Variants in SLC17A9 observed in about 807,000 individuals in gnomAD.
SLC17A9 encodes the protein voltage-gated purine nucleotide uniporter SLC17A9.
Under a neutral mutation model 55.0 loss-of-function variants are expected in SLC17A9, and 49 were observed. The ratio of observed to expected loss-of-function variants is 0.89; its 90% confidence interval spans 0.71 to 1.13. The LOEUF (loss-of-function observed/expected upper bound fraction) is 1.13, where lower values mean the gene tolerates loss of function less well. SLC17A9 is among the 50% of genes most tolerant of loss of function. SLC17A9 has a pLI of 0.00. For missense variants in SLC17A9, 526 were observed against 569.3 expected (o/e 0.92, Z 0.77); for synonymous variants, 256 against 247.4 (o/e 1.03, Z -0.32).
chr20:62,957,282 G>A, intron 2 of SLC17A9, 159 bp from the exon 3 acceptor site: 1 of 985,396 alleles, frequency 1.0e-6, no homozygotes, highest in Non-Finnish European at 1.2e-6. Context: ...TGGAGTACCT[G>A]GTCTCCTCAC....
intron 1 of SLC17A9, 62 bp downstream of exon 1, chr20:62,952,951 C>A: frequency 7.0e-7 from 1 of 1,418,608 alleles, no homozygotes; most frequent in Non-Finnish European, 9.4e-7. Context: ...GGGGAGGGAG[C>A]TGAGATACTG....
At chr20:62,956,016 G>A (rs1204787638) in intron 1 of SLC17A9, among the ~76,000 whole-genome samples, 1 of 152,256 alleles carries the variant, frequency 6.6e-6, no homozygotes, top group Non-Finnish European at 1.5e-5. Flanking sequence ...TGGCCCTGCC[G>A]TGGGGAGGGG....
In SLC17A9 at chr20:62,957,510, GCT is replaced by G; in HGVS notation, c.329_330del (p.Leu110ArgfsTer41). The G allele has an allele frequency of 1.2e-6, 2 of 1,610,076 alleles. No homozygotes were observed. Among genetic ancestry groups the G allele is most frequent in the Non-Finnish European group, 1.7e-6 (2 of 1,178,822 alleles). The stretch of plus-strand genomic sequence containing the variant: ...GCTCCATCACGGCCGTCACCCCACT[GCT>G]CGCCCACCTGAGCAGTGCCCACCTG... Reference protein sequence around the residue: ...WGSITAVTPLLAHLSSAHLAF... With the variant: ...WGSITAVTPLXAHLSSAHLAF... On this transcript the variant is annotated frameshift_variant, in exon 3 of 13. Transcript: ENST00000370351. LOFTEE classifies it high-confidence loss of function.
At chr20:62,957,833 G>A (rs1329104537) in intron 3 of SLC17A9, among the ~76,000 whole-genome samples, 9 of 146,740 alleles carry the variant, frequency 6.1e-5, no homozygotes, top group East Asian at 2.2e-4. Flanking sequence ...GCATGCCCGC[G>A]TGCATGCGTG....
chr20:62,960,602 G>A lies in SLC17A9; in HGVS notation c.496G>A (p.Gly166Arg), dbSNP rs1174941153. 9.3e-6 allele frequency: 15 copies of A among 1,611,068 alleles called. No homozygotes were observed. The South Asian group carries it at 1.3e-4, about 14-fold the overall frequency. The change falls in exon 4 of 13, where the codon GGG becomes AGG. Residue 166 changes from glycine to arginine, a missense_variant and splice_region_variant. Coordinates refer to ENST00000370351, the MANE Select transcript of SLC17A9 (RefSeq NM_022082.4). ...CATCGTGGGCGCCGGCTCCCAGTTT[G>A]GGTAAGTCCTGGCCTAAGACGGGGC... ...YSIVGAGSQF[G>R]TLLTGAVGSL...
intron 2 of SLC17A9, 177 bp from the exon 3 acceptor site, chr20:62,957,264 C>T (rs1263140460): frequency 3.0e-5 from 30 of 985,240 alleles, no homozygotes; most frequent in African/African-American, 7.0e-5. Context: ...GGAGGCAGGC[C>T]GCTCCCCTGG....
In SLC17A9 at chr20:62,956,824, C is replaced by A. The variant is rs1463898148; in HGVS notation, c.119C>A (p.Ala40Asp). 6.2e-7 allele frequency: 1 copy of A among 1,613,184 alleles called. No individual in the cohort carries two copies. The change falls in exon 2 of 13, where the codon GCC becomes GAC. Residue 40 changes from alanine (A) to aspartate (D), a missense_variant. Physicochemically the swap from Ala to Asp is moderately radical, Grantham distance 126 (BLOSUM62 -2). Coordinates refer to ENST00000370351, the MANE Select transcript of SLC17A9 (RefSeq NM_022082.4). ...CTGGGCACATGCCTTCTGTACTGCG[C>A]CCGCTCCAGCATGCCCATCTGCACC... ...LLLGTCLLYC[A>D]RSSMPICTVS...
Position 62,967,659 on chromosome 20 carries a change from GCTGGTGGGAGGGTGGGGTGGGC to G in SLC17A9, c.*164_*185del. 2.1e-6 allele frequency: 1 copy of G among 485,388 alleles called. No homozygotes were observed. The highest frequency in any genetic ancestry group is 3.4e-6 in the Non-Finnish European group (1 of 297,222). 30.1% of individuals were successfully genotyped at this position (485,388 alleles called of 1,614,324 possible). ...AGCTCCTTAAGAAGAGTCCACAACAGCTGGTGGGAGGGTGGGGTGGGCCTGGGTCCAGACCAGGCTCGCTGCT... is the reference window on the plus strand; with the variant it reads ...AGCTCCTTAAGAAGAGTCCACAACAGCTGGGTCCAGACCAGGCTCGCTGCT... On this transcript the variant is annotated 3_prime_UTR_variant, in exon 13 of 13. Transcript: ENST00000370351.
At chr20:62,960,452 G>T in intron 3 of SLC17A9, 52 bp from the exon 4 acceptor site, 1 of 1,549,450 alleles carries the variant, frequency 6.5e-7, no homozygotes. Context: ...AGATAGGCCG[G>T]GAGGAGCCTC....
chr20:62,966,512 T>C lies in SLC17A9; in HGVS notation c.1062-13T>C. 6.2e-7 allele frequency: 1 copy of C among 1,613,676 alleles called. No homozygotes were observed. Among genetic ancestry groups the C allele is most frequent in the South Asian group, 1.1e-5 (1 of 91,054 alleles). On this transcript the variant is annotated splice_polypyrimidine_tract_variant and intron_variant, in intron 10 of 12. Transcript: ENST00000370351. ...TGGCCAGGGCCACTCACCACCCTCT[T>C]TCCTCCCCACAGTGGCATTTCTGTT...
At chr20:62,956,062 G>A (rs2065534274) in intron 1 of SLC17A9, among the ~76,000 whole-genome samples, 1 of 152,252 alleles carries the variant, frequency 6.6e-6, no homozygotes. Flanking sequence ...AGCAGGAGGT[G>A]TCAGAGGACG....
intron 11 of SLC17A9, 24 bp downstream of exon 11, chr20:62,966,604 C>T (rs1417193976): frequency 6.2e-7 from 1 of 1,613,886 alleles, no homozygotes; most frequent in East Asian, 2.2e-5. Flanking sequence ...CTTACCCCAG[C>T]TTTGCCCCTC....
intron 10 of SLC17A9, 129 bp downstream of exon 10, chr20:62,965,854 C>T: frequency 1.2e-6 from 1 of 856,508 alleles, no homozygotes; most frequent in Non-Finnish European, 1.8e-6. Context: ...TCCCAAGCTG[C>T]TGGGCAGTGA....
Position 62,962,743 on chromosome 20 carries a change from T to G in SLC17A9, c.617T>G (p.Leu206Arg), listed in dbSNP as rs764956300. The change falls in exon 5 of 13, where the codon CTG (leucine) becomes CGG (arginine). Residue 206 changes from leucine (L) to arginine (R), a missense_variant. Leu to Arg is a moderately radical substitution (Grantham distance 102, BLOSUM62 -2). Transcript: ENST00000370351. The surrounding 1 kb of genome is among the most constrained non-coding windows in gnomAD (Gnocchi z 5.5). ...LWVWYVYRYL[L>R]SEKDLILALG... ...GTGTGGTACGTGTACAGGTACCTGC[T>G]GAGTGAAAAAGGTAACGCAGGCCGG... 5 of 1,613,630 alleles carry G rather than the reference T, an allele frequency of 3.1e-6. No individual in the cohort carries two copies. The African/African-American group carries it at 6.7e-5, about 22-fold the overall frequency.
rs537114848 is a variant in SLC17A9 at position 62,962,849 on chromosome 20, C to G, written c.628+95C>G. The G allele has an allele frequency of 2.6e-5, 40 of 1,524,570 alleles. No individual in the cohort carries two copies. Among genetic ancestry groups the G allele is most frequent in the Non-Finnish European group, 3.4e-5 (39 of 1,130,482 alleles). 94.4% of individuals were successfully genotyped at this position (1,524,570 alleles called of 1,614,324 possible). On this transcript the variant is annotated intron_variant, in intron 5 of 12. Coordinates refer to ENST00000370351, the MANE Select transcript of SLC17A9 (RefSeq NM_022082.4). The surrounding 1 kb of genome is among the most constrained non-coding windows in gnomAD (Gnocchi z 5.5). Reference sequence around the variant, plus strand: ...CGCTGAGCAGCCTGGAGCAGGAGCCCGGAGACGATGGCTTTGACCTCCCAA... The same window carrying G: ...CGCTGAGCAGCCTGGAGCAGGAGCCGGGAGACGATGGCTTTGACCTCCCAA...
chr20:62,955,677 C>T (rs2065531095), intron 1 of SLC17A9, among the ~76,000 whole-genome samples: 1 of 152,150 alleles, frequency 6.6e-6, no homozygotes, highest in South Asian at 2.1e-4. Context: ...AGGGTGGGGG[C>T]CCCCATGTCC....
At position 62,960,450 on chromosome 20, in the gene SLC17A9, C is replaced by A. The variant is rs938433805; in HGVS notation, c.398-54C>A. The A allele has an allele frequency of 1.6e-5, 24 of 1,532,072 alleles. No individual in the cohort carries two copies. In the Admixed American group the frequency reaches 3.5e-4, roughly 22 times the overall value. The allele number at this position is 1,532,072 out of a possible 1,614,324, so 94.9% of individuals were successfully genotyped here. A position where few individuals can be genotyped will look rare whatever the true frequency, so the allele number is the denominator to read the frequency against. Reference sequence around the variant, plus strand: ...ACAGCCCAAACCTGAGCAGATAGGCCGGGAGGAGCCTCCCTGGATGGACCC... The same window carrying A: ...ACAGCCCAAACCTGAGCAGATAGGCAGGGAGGAGCCTCCCTGGATGGACCC... On this transcript the variant is annotated intron_variant, in intron 3 of 12. Transcript: ENST00000370351.
chr20:62,954,884 C>T (rs1469701967), intron 1 of SLC17A9, among the ~76,000 whole-genome samples: 1 of 152,250 alleles, frequency 6.6e-6, no homozygotes, highest in East Asian at 1.9e-4. Flanking sequence ...AGGATCAGTG[C>T]AACTGAGCTT....
chr20:62,955,395 C>T (rs984576676), intron 1 of SLC17A9, among the ~76,000 whole-genome samples: 12 of 152,222 alleles, frequency 7.9e-5, no homozygotes, highest in African/African-American at 2.9e-4. Flanking sequence ...ATCCTCCCGC[C>T]TCAGCCTCCC....
Sources: allele counts gnomAD v4.1 joint callset (sites outside exome capture counted in the v4.1 genomes callset), GRCh38; gene constraint gnomAD v4.1.1; non-coding constraint Gnocchi (gnomAD v3.1); transcripts MANE v1.5; gene names NCBI Gene and HGNC (gene_info 2026-07-23, HGNC 2026-07-21).